The following MYO3A variants were observed in gnomAD, a reference collection of about 807,000 sequenced individuals.
The protein encoded by MYO3A is myosin IIIA.
In MYO3A, 180 loss-of-function variants were observed where a neutral mutation model predicts 192.7. The ratio of observed to expected loss-of-function variants is 0.93; its 90% CI spans 0.83 to 1.06. MYO3A has a LOEUF of 1.06. MYO3A is among the 50% of genes least tolerant of loss of function. MYO3A has a pLI of 0.00. For synonymous variants in MYO3A, 628 were observed against 645.3 expected (o/e 0.97, Z 0.41); for missense variants, 1,896 against 1,905.0 (o/e 1.00, Z 0.09).
chr10:26,057,671 G>A (rs78249700), intron 10 of MYO3A, among the ~76,000 whole-genome samples: 9,284 of 152,224 alleles, frequency 0.061, 369 homozygotes, highest in Non-Finnish European at 0.088. Flanking sequence ...TCTTTCAGTC[G>A]TGAGTTTTGT....
chr10:26,056,265 A>G (rs1284817935), intron 10 of MYO3A, among the ~76,000 whole-genome samples: 1 of 152,216 alleles, frequency 6.6e-6, no homozygotes, highest in Non-Finnish European at 1.5e-5. Context: ...GAGATATATC[A>G]ATAGAAATGT....
At chr10:26,211,790 C>G in intron 34 of MYO3A, 53 bp from the exon 35 acceptor site, 1 of 1,609,316 alleles carries the variant, frequency 6.2e-7, no homozygotes, top group Non-Finnish European at 8.5e-7. Context: ...TAGGTGGGGA[C>G]GCGCTGCTCA....
At chr10:26,109,964 G>T (rs1838057949) in intron 17 of MYO3A, among the ~76,000 whole-genome samples, 1 of 152,110 alleles carries the variant, frequency 6.6e-6, no homozygotes, top group Admixed American at 6.5e-5. Flanking sequence ...ATTGCAATGA[G>T]TTCCCCCAAA....
At chr10:26,138,008 G>C (rs1295455705) in intron 20 of MYO3A, among the ~76,000 whole-genome samples, 6 of 152,196 alleles carry the variant, frequency 3.9e-5, no homozygotes, top group South Asian at 2.1e-4. Context: ...TGTGATCTTT[G>C]TTGGACCCTT....
At chr10:25,992,509 C>A (rs1337466792) in intron 4 of MYO3A, among the ~76,000 whole-genome samples, 1 of 152,206 alleles carries the variant, frequency 6.6e-6, no homozygotes, top group African/African-American at 2.4e-5. Flanking sequence ...ATTTCTTTCT[C>A]TTGCCTGATT....
chr10:26,127,911 A>G (rs898234989), intron 19 of MYO3A, among the ~76,000 whole-genome samples: 2 of 152,076 alleles, frequency 1.3e-5, no homozygotes, highest in Non-Finnish European at 2.9e-5. Context: ...TGATCCAAAA[A>G]CAAATAACAA....
At chr10:26,157,562 A>C in intron 26 of MYO3A, 47 bp downstream of exon 26, 1 of 1,570,900 alleles carries the variant, frequency 6.4e-7, no homozygotes, top group South Asian at 1.1e-5. Flanking sequence ...TTATATAAAA[A>C]TCATTCAGAA....
At chr10:26,148,760 G>C (rs568946577) in intron 23 of MYO3A, among the ~76,000 whole-genome samples, 2 of 152,042 alleles carry the variant, frequency 1.3e-5, no homozygotes, top group African/African-American at 4.8e-5. Context: ...GATTATAAAT[G>C]GTAATTTTTA....
chr10:25,974,331 G>T (rs1409870110), intron 4 of MYO3A, among the ~76,000 whole-genome samples: 2 of 152,154 alleles, frequency 1.3e-5, no homozygotes, highest in Non-Finnish European at 2.9e-5. Context: ...AATTCTATTT[G>T]CTAAGCTGTC....
intron 27 of MYO3A, among the ~76,000 whole-genome samples, chr10:26,168,141 T>A (rs1269135904): frequency 6.6e-6 from 1 of 152,196 alleles, no homozygotes; most frequent in Admixed American, 6.5e-5. Context: ...GAAATCTGCC[T>A]GGGGCCTTCT....
intron 30 of MYO3A, among the ~76,000 whole-genome samples, chr10:26,174,836 A>C (rs777203912): frequency 5.3e-5 from 8 of 152,194 alleles, no homozygotes; most frequent in African/African-American, 1.7e-4. Context: ...GAGGCTCGAC[A>C]GTGAAAAGTT....
intron 10 of MYO3A, among the ~76,000 whole-genome samples, chr10:26,052,852 C>T (rs1176934501): frequency 1.3e-5 from 2 of 151,456 alleles, no homozygotes; most frequent in Non-Finnish European, 2.9e-5. Flanking sequence ...ATTTTTAGAG[C>T]AGAAATACAA....
intron 23 of MYO3A, among the ~76,000 whole-genome samples, chr10:26,152,670 A>G (rs772869563): frequency 1.3e-5 from 2 of 152,258 alleles, no homozygotes; most frequent in African/African-American, 2.4e-5. Context: ...GTTGATCTAC[A>G]TAAATAAATT....
At chr10:25,960,635 A>G (rs1837864740) in intron 4 of MYO3A, among the ~76,000 whole-genome samples, 1 of 152,186 alleles carries the variant, frequency 6.6e-6, no homozygotes, top group Non-Finnish European at 1.5e-5. Flanking sequence ...AAATATTTTT[A>G]CTGTTCATTA....
At chr10:26,157,269 G>A in intron 25 of MYO3A, 41 bp from the exon 26 acceptor site, 1 of 1,580,730 alleles carries the variant, frequency 6.3e-7, no homozygotes. Flanking sequence ...ATACGTTTTT[G>A]TATGCTACAT....
At chr10:25,976,033 A>G (rs565998749) in intron 4 of MYO3A, among the ~76,000 whole-genome samples, 3 of 152,354 alleles carry the variant, frequency 2.0e-5, no homozygotes, top group East Asian at 3.9e-4. Context: ...AATTTAAATT[A>G]AAACCACAAT....
chr10:26,079,111 T>C (rs1038013023), intron 14 of MYO3A, among the ~76,000 whole-genome samples: 5 of 152,184 alleles, frequency 3.3e-5, no homozygotes, highest in African/African-American at 9.7e-5. Flanking sequence ...CAGTGGAGTA[T>C]TGAAGTCTCC....
intron 25 of MYO3A, among the ~76,000 whole-genome samples, chr10:26,156,827 G>C (rs1413950095): frequency 1.3e-5 from 2 of 152,110 alleles, no homozygotes; most frequent in African/African-American, 4.8e-5. Context: ...TATGTTTCCT[G>C]ATCGTCTCCC....
intron 4 of MYO3A, among the ~76,000 whole-genome samples, chr10:25,975,886 C>G (rs2130764077): frequency 6.6e-6 from 1 of 152,294 alleles, no homozygotes; most frequent in South Asian, 2.1e-4. Flanking sequence ...GTGATAAACA[C>G]AGTCAGCACA....
Sources: allele counts gnomAD v4.1 joint callset (sites outside exome capture counted in the v4.1 genomes callset), GRCh38; gene constraint gnomAD v4.1.1; transcripts MANE v1.5; gene names NCBI Gene and HGNC (gene_info 2026-07-23, HGNC 2026-07-21).